The following TMPRSS15 variants were observed in gnomAD, a reference collection of about 807,000 sequenced individuals.
TMPRSS15 encodes the protein transmembrane serine protease 15.
TMPRSS15 carries 128 observed loss-of-function variants against 125.3 expected under a neutral mutation model. The observed-to-expected ratio is 1.02, with a 90% confidence interval of 0.89 to 1.18. TMPRSS15 has a LOEUF of 1.18. Among genes scored for constraint, TMPRSS15 ranks in the 50% most tolerant of loss-of-function variants. The pLI, the probability that TMPRSS15 is intolerant of heterozygous loss-of-function variation, is 0.00. For missense variants in TMPRSS15, 1,283 were observed against 1,212.7 expected, an observed-to-expected ratio of 1.06 and a Z score of -0.86; for synonymous variants, 446 against 423.2, an observed-to-expected ratio of 1.05 and a Z score of -0.66.
chr21:18,360,527 GA>G, intron 7 of TMPRSS15, among the ~76,000 whole-genome samples: 1 of 152,092 alleles, frequency 6.6e-6, no homozygotes, highest in Admixed American at 6.6e-5. Context: ...AGGTCTTCTC[GA>G]TATCATTTGT....
At chr21:18,473,673 T>C (rs999746305) in intron 1 of TMPRSS15, among the ~76,000 whole-genome samples, 1 of 152,074 alleles carries the variant, frequency 6.6e-6, no homozygotes, top group South Asian at 2.1e-4. Context: ...CTGAGAAGTA[T>C]TTTTTTCTAA....
chr21:18,282,135 A>G (rs1403666222), intron 21 of TMPRSS15, among the ~76,000 whole-genome samples: 2 of 149,478 alleles, frequency 1.3e-5, no homozygotes, highest in Admixed American at 6.7e-5. Context: ...AGTAAACAGT[A>G]TGCCTTATTA....
intron 5 of TMPRSS15, among the ~76,000 whole-genome samples, chr21:18,377,103 G>A (rs532905384): frequency 6.6e-6 from 1 of 152,186 alleles, no homozygotes; most frequent in South Asian, 2.1e-4. Context: ...AGGAATAAAC[G>A]GCAAGGATGA....
intron 16 of TMPRSS15, among the ~76,000 whole-genome samples, chr21:18,323,283 A>T (rs188578244): frequency 6.6e-6 from 1 of 152,328 alleles, no homozygotes; most frequent in East Asian, 1.9e-4. Context: ...TTTATATGAA[A>T]AAGGAGAATT....
rs1452545081 is a variant in TMPRSS15, at chr21:18,315,472, C to T, written c.1922-216G>A. 1.1e-4 allele frequency among the ~76,000 whole-genome samples: 12 copies of T among 108,824 alleles called. 1 individual carries two copies. Among genetic ancestry groups the T allele is most frequent in the Non-Finnish European group, 2.5e-4 (12 of 48,854 alleles). The allele number at this position is 108,824 out of a possible 152,430, so 71.4% of individuals were successfully genotyped here. Reference sequence around the variant, plus strand: ...AAACCTGCACGTTGTGCACATGTACCGTAGAACTTAAAGTATAATAAAATA... The same window carrying T: ...AAACCTGCACGTTGTGCACATGTACTGTAGAACTTAAAGTATAATAAAATA... On this transcript the variant is annotated intron_variant, in intron 16 of 24. Transcript: ENST00000284885.
At chr21:18,485,352 A>G (rs909773272) in intron 1 of TMPRSS15, among the ~76,000 whole-genome samples, 2 of 151,970 alleles carry the variant, frequency 1.3e-5, no homozygotes, top group Non-Finnish European at 1.5e-5. Context: ...AGTTCAATGT[A>G]GAAAAGACGA....
chr21:18,333,158 G>C lies in TMPRSS15; in HGVS notation c.1565-985C>G, dbSNP rs140532674. On this transcript the variant is annotated intron_variant, in intron 13 of 24. Transcript: ENST00000284885. ...TCACTTGTGAGTACTAGGCTTAATA[G>C]CTGGGTGATAAAATAATCTGTACAA... Among the ~76,000 whole-genome samples, 392 of 152,228 alleles carry C rather than the reference G, an allele frequency of 2.6e-3. 1 individual carries two copies. Among genetic ancestry groups the C allele is most frequent in the African/African-American group, 8.7e-3 (361 of 41,552 alleles).
At chr21:18,365,757 T>TC (rs1361588511) in intron 6 of TMPRSS15, among the ~76,000 whole-genome samples, 18 of 147,364 alleles carry the variant, frequency 1.2e-4, no homozygotes, top group Admixed American at 2.7e-4. Context: ...TTTTTTTTTT[T>TC]TTTGAGACAG....
At chr21:18,477,764 A>G (rs1978905981) in intron 1 of TMPRSS15, 1 of 152,052 alleles carries the variant, frequency 6.6e-6, no homozygotes, top group Non-Finnish European at 1.5e-5. Flanking sequence ...ATTGAAGATT[A>G]TATACTATAT....
chr21:18,282,059 C>G (rs1003163082), intron 21 of TMPRSS15, among the ~76,000 whole-genome samples: 1 of 130,202 alleles, frequency 7.7e-6, no homozygotes, highest in Non-Finnish European at 1.5e-5. Flanking sequence ...GATTGCGCCA[C>G]TGCACTCCAG....
At chr21:18,365,067 T>G in intron 7 of TMPRSS15, 73 bp downstream of exon 7, 1 of 1,241,300 alleles carries the variant, frequency 8.1e-7, no homozygotes, top group African/African-American at 1.5e-5. Context: ...AAAAAACTAC[T>G]GAAAGCAATA....
Position 18,294,295 on chromosome 21 carries a change from C to A in TMPRSS15, c.2461G>T (p.Val821Leu), listed in dbSNP as rs2074874106. 3 of 1,614,238 alleles carry A rather than the reference C, an allele frequency of 1.9e-6. No individual in the cohort carries two copies. The East Asian group carries it at 6.7e-5, about 36-fold the overall frequency. Residue 821 changes from valine (V) to leucine (L), a missense_variant, in exon 21 of 25, where the codon GTG becomes TTG. By Grantham distance (32) the Val-to-Leu change is conservative. Coordinates refer to ENST00000284885, the MANE Select transcript of TMPRSS15 (RefSeq NM_002772.3). The part of the protein sequence containing the change: ...GASLVSSDWL[V>L]SAAHCVYGRN... ...CCATACACGCAGTGTGCGGCGGACA[C>A]CAGCCAGTCACTGCTGACGAGAGAT...
At chr21:18,371,978 A>G (rs2075795592) in intron 6 of TMPRSS15, among the ~76,000 whole-genome samples, 2 of 151,906 alleles carry the variant, frequency 1.3e-5, no homozygotes, top group African/African-American at 4.8e-5. Context: ...TAATATCTTT[A>G]ATATTATTTA....
rs1027783651 is a variant in TMPRSS15 at position 18,331,995 on chromosome 21, A to C, written c.1654+89T>G. ...CATGATAGGCGTACCCATGTTTGAC[A>C]AATTTATAATCTACTTTGCTGCGTC... is the stretch of plus-strand genomic sequence containing the variant. On this transcript the variant is annotated intron_variant, in intron 14 of 24. Coordinates refer to ENST00000284885, the MANE Select transcript of TMPRSS15 (RefSeq NM_002772.3). 12 of 1,201,930 alleles carry C rather than the reference A, an allele frequency of 1.0e-5. No individual in the cohort carries two copies. In the African/African-American group the frequency reaches 1.8e-4, roughly 18 times the overall value. The allele number at this position is 1,201,930 out of a possible 1,614,324, so 74.5% of individuals were successfully genotyped here.
At chr21:18,270,828 CAT>C (rs1371862540) in intron 24 of TMPRSS15, among the ~76,000 whole-genome samples, 1 of 152,112 alleles carries the variant, frequency 6.6e-6, no homozygotes, top group Non-Finnish European at 1.5e-5. Flanking sequence ...ATAATACAAA[CAT>C]ATAATATCAT....
chr21:18,352,088 T>C (rs1417093276), intron 10 of TMPRSS15, among the ~76,000 whole-genome samples: 1 of 152,020 alleles, frequency 6.6e-6, no homozygotes, highest in Non-Finnish European at 1.5e-5. Context: ...TTTTGTAATT[T>C]TCCTTATACA....
chr21:18,341,448 G>C lies in TMPRSS15; in HGVS notation c.1529C>G (p.Pro510Arg), dbSNP rs202066879. ...GICNGSLYPE[P>R]TLVPTPPPEL... Reference sequence around the variant, plus strand: ...TGGTGGAGGAGTTGGCACCAAAGTTGGTTCTGGATAAAGACTCCCATTGCA... The same window carrying C: ...TGGTGGAGGAGTTGGCACCAAAGTTCGTTCTGGATAAAGACTCCCATTGCA... The change falls in exon 13 of 25, where the codon CCA becomes CGA. Residue 510 changes from proline to arginine, a missense_variant. Pro to Arg is a moderately radical substitution (Grantham distance 103, BLOSUM62 -2). Coordinates refer to ENST00000284885, the MANE Select transcript of TMPRSS15 (RefSeq NM_002772.3). 1.8e-5 allele frequency: 29 copies of C among 1,613,998 alleles called. No homozygotes were observed. The highest frequency in any genetic ancestry group is 3.3e-5 in the South Asian group (3 of 91,084).
At chr21:18,429,471 G>A (rs539257023) in intron 1 of TMPRSS15, among the ~76,000 whole-genome samples, 18 of 152,276 alleles carry the variant, frequency 1.2e-4, no homozygotes, top group African/African-American at 4.1e-4. Context: ...CCCATGTGCT[G>A]TGGGAGGGAA....
chr21:18,343,489 TAAAGTA>T lies in TMPRSS15; in HGVS notation c.1428+11_1428+16del, dbSNP rs2075471011. The T allele has an allele frequency of 1.9e-6, 3 of 1,572,714 alleles. No homozygotes were observed. In the African/African-American group the frequency reaches 4.1e-5, roughly 21 times the overall value. On this transcript the variant is annotated intron_variant, in intron 12 of 24. Transcript: ENST00000284885. ...ACAAAAAGGATACAAATATAAATAA[TAAAGTA>T]TTTTGCAAACCTTAAATTTAACTGT...
Sources: allele counts gnomAD v4.1 joint callset (sites outside exome capture counted in the v4.1 genomes callset), GRCh38; gene constraint gnomAD v4.1.1; transcripts MANE v1.5; gene names NCBI Gene and HGNC (gene_info 2026-07-23, HGNC 2026-07-21).